Variants in GNB5 observed in about 807,000 individuals in gnomAD.
GNB5 encodes guanine nucleotide-binding protein subunit beta-5.
A neutral mutation model predicts 55.3 loss-of-function variants in GNB5; 37 were observed. The observed-to-expected ratio is 0.67, with a 90% CI of 0.51 to 0.88. The LOEUF is 0.88. Among genes scored for constraint, GNB5 ranks in the 40% least tolerant of loss-of-function variants. The pLI is 0.00. For synonymous variants in GNB5, 219 were observed against 198.5 expected (o/e 1.10, Z -0.87); for missense variants, 476 against 515.3 (o/e 0.92, Z 0.74).
intron 3 of GNB5, among the ~76,000 whole-genome samples, chr15:52,176,245 G>A (rs899278690): frequency 2.6e-5 from 4 of 152,130 alleles, no homozygotes; most frequent in South Asian, 2.1e-4. Context: ...TTGCTCAATG[G>A]GGAGCCCTGC....
At chr15:52,164,308 TAAAAAAAAAAAAAAA>T (rs56029917) in intron 3 of GNB5, among the ~76,000 whole-genome samples, 2 of 50,420 alleles carry the variant, frequency 4.0e-5, no homozygotes, top group South Asian at 8.4e-4. Context: ...GACTCTGTCT[TAAAAAAAAAAAAAAA>T]AAAAAAAAAA....
intron 10 of GNB5, 77 bp from the exon 11 acceptor site, chr15:52,126,121 G>A (rs1596052658): frequency 2.8e-6 from 2 of 710,912 alleles, no homozygotes; most frequent in East Asian, 2.6e-5. Context: ...GCTACAGGTA[G>A]GTGCTAGTGA....
intron 2 of GNB5, chr15:52,180,309 C>T (rs1197683901): frequency 6.5e-6 from 1 of 153,300 alleles, no homozygotes; most frequent in Non-Finnish European, 1.4e-5. Context: ...TGCAGATCTC[C>T]GCTCTGTGGG....
chr15:52,170,712 G>GAAA (rs879939707), intron 3 of GNB5, among the ~76,000 whole-genome samples: 1 of 112,868 alleles, frequency 8.9e-6, no homozygotes, highest in Admixed American at 9.1e-5. Context: ...AAAAGCTGAA[G>GAAA]AAAAAAAAAA....
intron 6 of GNB5, 115 bp from the exon 7 acceptor site, chr15:52,141,387 A>T: frequency 6.8e-6 from 5 of 735,518 alleles, no homozygotes; most frequent in Non-Finnish European, 6.5e-6. Context: ...CATATATTGT[A>T]CCCTTTCCTC....
intron 9 of GNB5, among the ~76,000 whole-genome samples, chr15:52,131,438 C>A (rs1429354509): frequency 1.3e-5 from 2 of 151,948 alleles, no homozygotes; most frequent in African/African-American, 4.8e-5. Context: ...TTCAGCATAC[C>A]CTGAGAAAAT....
In GNB5 at chr15:52,178,863, G is replaced by A. The variant is rs149708256; in HGVS notation, c.238+905C>T. Among the ~76,000 whole-genome samples the A allele has an allele frequency of 4.9e-3, 745 of 152,320 alleles. 18 individuals are homozygous for A. Among genetic ancestry groups the A allele is most frequent in the Admixed American group, 0.026 (396 of 15,306 alleles). On this transcript the variant is annotated intron_variant, in intron 3 of 12. Transcript: ENST00000261837. Reference sequence around the variant, plus strand: ...GGAATGGCAGGAGAACAACGTCAAGGTGTGCAGGAGGGCACCGTGGGAGGT... The same window carrying A: ...GGAATGGCAGGAGAACAACGTCAAGATGTGCAGGAGGGCACCGTGGGAGGT...
chr15:52,124,472 C>T lies in GNB5; in HGVS notation c.1176+1G>A. On this transcript the variant is annotated splice_donor_variant, in intron 12 of 12. Coordinates refer to ENST00000261837, the MANE Select transcript of GNB5 (RefSeq NM_016194.4). LOFTEE classifies it high-confidence loss of function. ...GGAAAACAGAAAACCATCCCTCTTA[C>T]TCTGAGGGTATGATCCCATGATCCA... The T allele has an allele frequency of 6.2e-7, 1 of 1,610,730 alleles. No homozygotes were observed. The highest frequency in any genetic ancestry group is 1.7e-4 in the Middle Eastern group (1 of 6,040).
At chr15:52,190,763 T>C (rs1358915898) in intron 1 of GNB5, among the ~76,000 whole-genome samples, 1 of 96,350 alleles carries the variant, frequency 1.0e-5, no homozygotes, top group African/African-American at 4.7e-5. Context: ...CCACAGAAAA[T>C]AATGCTTATT....
At chr15:52,187,314 G>C (rs1228253831) in intron 1 of GNB5, among the ~76,000 whole-genome samples, 2 of 152,148 alleles carry the variant, frequency 1.3e-5, no homozygotes, top group Admixed American at 6.5e-5. Flanking sequence ...AGGGAGCAGT[G>C]TCATCCACGT....
rs760287176 is a variant in GNB5 at position 52,149,933 on chromosome 15, G to T, written c.376-8C>A. ...CACGATCACCTTCCCATCCTGGAGGGAGAAGAGCAAACAGTTTAGGGGTTG... is the reference window on the plus strand; with the variant it reads ...CACGATCACCTTCCCATCCTGGAGGTAGAAGAGCAAACAGTTTAGGGGTTG... On this transcript the variant is annotated splice_polypyrimidine_tract_variant and splice_region_variant and intron_variant, in intron 4 of 12. Coordinates refer to ENST00000261837, the MANE Select transcript of GNB5 (RefSeq NM_016194.4). The T allele has an allele frequency of 1.1e-5, 17 of 1,606,894 alleles. No homozygotes were observed. Among genetic ancestry groups the T allele is most frequent in the Admixed American group, 3.3e-5 (2 of 60,014 alleles).
At chr15:52,146,348 T>A (rs781463199) in intron 6 of GNB5, among the ~76,000 whole-genome samples, 5 of 152,164 alleles carry the variant, frequency 3.3e-5, no homozygotes, top group Non-Finnish European at 5.9e-5. Flanking sequence ...GGACTGGGAA[T>A]TATGTCGGTT....
intron 3 of GNB5, among the ~76,000 whole-genome samples, chr15:52,157,288 C>G (rs2034233249): frequency 6.7e-6 from 1 of 149,684 alleles, no homozygotes; most frequent in Non-Finnish European, 1.5e-5. Flanking sequence ...ACTCTGTCAC[C>G]CAGGCTGGAG....
intron 4 of GNB5, among the ~76,000 whole-genome samples, chr15:52,151,009 C>T (rs1290468431): frequency 6.6e-6 from 1 of 152,228 alleles, no homozygotes; most frequent in Non-Finnish European, 1.5e-5. Context: ...TAGCTGCTTG[C>T]TTTGCATGAG....
intron 3 of GNB5, among the ~76,000 whole-genome samples, chr15:52,168,033 C>T (rs1317870292): frequency 6.6e-6 from 1 of 152,082 alleles, no homozygotes; most frequent in Non-Finnish European, 1.5e-5. Flanking sequence ...TATGACAAAC[C>T]TACACCGAAT....
chr15:52,177,529 T>C (rs1057411774), intron 3 of GNB5, among the ~76,000 whole-genome samples: 5 of 151,624 alleles, frequency 3.3e-5, no homozygotes, highest in African/African-American at 9.7e-5. Flanking sequence ...CACATGCCTA[T>C]AGTCCCAGCT....
At chr15:52,128,581 G>A in intron 9 of GNB5, 5 of 554,090 alleles carry the variant, frequency 9.0e-6, no homozygotes, top group Admixed American at 4.4e-5. Context: ...AAGTGGTTAT[G>A]AGCACAGACA....
At chr15:52,139,985 C>T (rs2033814976) in intron 7 of GNB5, 1 of 1,256,042 alleles carries the variant, frequency 8.0e-7, no homozygotes, top group South Asian at 1.3e-5. Context: ...CCAAAGACAT[C>T]TCATTTTGGC....
intron 3 of GNB5, among the ~76,000 whole-genome samples, chr15:52,159,264 T>G (rs2034281191): frequency 6.6e-6 from 1 of 152,104 alleles, no homozygotes. Context: ...TGGTCGGATC[T>G]GCCTTCTCAT....
Sources: gnomAD v4.1 joint callset for allele counts (sites outside exome capture counted in the v4.1 genomes callset) on GRCh38, gnomAD v4.1.1 for gene constraint, MANE v1.5 for transcripts, NCBI Gene and HGNC (gene_info 2026-07-23, HGNC 2026-07-21) for gene names.